LRP1B: variants seen among roughly 807,000 people sequenced by gnomAD.
The protein encoded by LRP1B is LDL receptor related protein 1B.
LRP1B carries 217 observed loss-of-function variants against 556.6 expected under a neutral mutation model. The observed-to-expected ratio is 0.39, with a 90% CI of 0.35 to 0.44. The LOEUF (loss-of-function observed/expected upper bound fraction) is 0.44. LRP1B is among the 20% of genes least tolerant of loss of function. The probability of loss-of-function intolerance (pLI) is 1.00; values close to 1 mark genes in which losing one functional copy is unlikely to be tolerated. For synonymous variants in LRP1B, 2,047 were observed against 1,865.8 expected, an observed-to-expected ratio of 1.10 and a Z score of -2.50; for missense variants, 5,053 against 5,620.8, an observed-to-expected ratio of 0.90 and a Z score of 3.23.
chr2:141,790,002 C>G (rs564564859), intron 2 of LRP1B, among the ~76,000 whole-genome samples: 1 of 151,954 alleles, frequency 6.6e-6, no homozygotes, highest in African/African-American at 2.4e-5. Context: ...TTAGAGGATT[C>G]AAGTTAGGAA....
intron 41 of LRP1B, among the ~76,000 whole-genome samples, chr2:140,667,107 T>G (rs1188629125): frequency 6.6e-6 from 1 of 152,210 alleles, no homozygotes; most frequent in Non-Finnish European, 1.5e-5. Flanking sequence ...TGGCATGCTG[T>G]GACCCTACGT....
intron 3 of LRP1B, among the ~76,000 whole-genome samples, chr2:141,300,806 G>A (rs577262639): frequency 3.9e-5 from 6 of 152,192 alleles, no homozygotes; most frequent in Admixed American, 1.3e-4. Flanking sequence ...CTGCAGAATC[G>A]TGAGCCAATT....
intron 3 of LRP1B, among the ~76,000 whole-genome samples, chr2:141,259,973 T>A (rs1300482308): frequency 2.6e-5 from 4 of 152,230 alleles, no homozygotes; most frequent in Admixed American, 2.0e-4. Context: ...TCCTGCCATA[T>A]CGTATATACA....
chr2:140,874,749 T>C (rs140257859), intron 25 of LRP1B, among the ~76,000 whole-genome samples: 1 of 152,084 alleles, frequency 6.6e-6, no homozygotes, highest in Non-Finnish European at 1.5e-5. Flanking sequence ...CTGGGCGTGG[T>C]GGCTCATGCC....
chr2:140,440,137 A>G (rs1429054663), intron 66 of LRP1B, among the ~76,000 whole-genome samples: 1 of 152,190 alleles, frequency 6.6e-6, no homozygotes, highest in Non-Finnish European at 1.5e-5. Context: ...AAATACAAAT[A>G]TTGGTGCTGA....
chr2:140,489,942 C>G (rs1553473771), intron 57 of LRP1B, among the ~76,000 whole-genome samples: 1 of 152,030 alleles, frequency 6.6e-6, no homozygotes, highest in Non-Finnish European at 1.5e-5. Context: ...GCTCTAAATT[C>G]CAACATATCT....
intron 2 of LRP1B, among the ~76,000 whole-genome samples, chr2:141,781,335 C>T (rs775497069): frequency 6.6e-6 from 1 of 152,084 alleles, no homozygotes; most frequent in Non-Finnish European, 1.5e-5. Flanking sequence ...AAACCCTAGT[C>T]GTGCAAAAAA....
chr2:140,586,728 C>T (rs2105152942), intron 43 of LRP1B: 1 of 152,246 alleles, frequency 6.6e-6, no homozygotes, highest in Admixed American at 6.5e-5. Flanking sequence ...CCCTCACTTT[C>T]CCCTCCTAGA....
chr2:140,264,712 G>A (rs1012062689), intron 86 of LRP1B, among the ~76,000 whole-genome samples: 16 of 58,030 alleles, frequency 2.8e-4, no homozygotes, highest in African/African-American at 7.9e-4. Flanking sequence ...ATGTGTGTGT[G>A]TGTGTGTGTG....
intron 20 of LRP1B, among the ~76,000 whole-genome samples, chr2:140,924,433 G>C (rs537385602): frequency 1.3e-5 from 2 of 151,868 alleles, no homozygotes; most frequent in South Asian, 4.1e-4. Flanking sequence ...ATTTAAAGAC[G>C]TTCAGCAATT....
chr2:141,182,821 G>T (rs914683568), intron 7 of LRP1B, among the ~76,000 whole-genome samples: 2 of 151,800 alleles, frequency 1.3e-5, no homozygotes, highest in Non-Finnish European at 2.9e-5. Context: ...TTTGTTACGG[G>T]GGGGAGTTGG....
rs1308498288 is a variant in LRP1B, at chr2:140,295,100, G to A, written c.12967+2708C>T. ...ACCGTCTCTAGACCAGGATGGTCTC[G>A]ACCTCCTGACCTCGTGATCCGCGGG... On this transcript the variant is annotated intron_variant, in intron 84 of 90. Transcript: ENST00000389484. Among the ~76,000 whole-genome samples the A allele has an allele frequency of 2.6e-5, 4 of 151,794 alleles. No individual in the cohort carries two copies. The East Asian group carries it at 5.8e-4, about 22-fold the overall frequency.
At chr2:141,922,181 C>T (rs576451873) in intron 1 of LRP1B, among the ~76,000 whole-genome samples, 1 of 152,226 alleles carries the variant, frequency 6.6e-6, no homozygotes, top group South Asian at 2.1e-4. Flanking sequence ...ATTAGGCATG[C>T]ATGAAAAAGT....
intron 66 of LRP1B, among the ~76,000 whole-genome samples, chr2:140,407,123 A>C (rs148268811): frequency 3.3e-5 from 5 of 152,276 alleles, no homozygotes; most frequent in Non-Finnish European, 5.9e-5. Context: ...TGGTGCTGGG[A>C]AAACTGGCAA....
At chr2:141,757,906 C>T (rs1694381425) in intron 2 of LRP1B, among the ~76,000 whole-genome samples, 1 of 114,990 alleles carries the variant, frequency 8.7e-6, no homozygotes, top group South Asian at 2.8e-4. Context: ...CAGCGTTTTT[C>T]CAGCCTTTGC....
At chr2:140,280,661 A>C (rs1682877743) in intron 84 of LRP1B, among the ~76,000 whole-genome samples, 1 of 151,766 alleles carries the variant, frequency 6.6e-6, no homozygotes, top group Non-Finnish European at 1.5e-5. Flanking sequence ...AAAAGGACCC[A>C]ACATTGATCT....
intron 41 of LRP1B, among the ~76,000 whole-genome samples, chr2:140,653,126 G>C (rs1684748801): frequency 6.6e-6 from 1 of 151,866 alleles, no homozygotes; most frequent in Non-Finnish European, 1.5e-5. Flanking sequence ...AACAAACATA[G>C]GATGCTATAT....
intron 11 of LRP1B, among the ~76,000 whole-genome samples, chr2:141,042,723 T>C (rs1698738892): frequency 6.6e-6 from 1 of 152,102 alleles, no homozygotes; most frequent in Admixed American, 6.6e-5. Context: ...GTGAGCAATC[T>C]TGATACAGAG....
At chr2:141,956,589 G>A (rs965730008) in intron 1 of LRP1B, among the ~76,000 whole-genome samples, 5 of 145,390 alleles carry the variant, frequency 3.4e-5, no homozygotes, top group South Asian at 2.2e-4. Flanking sequence ...AAATATTAAC[G>A]CCGTGAAATT....
Sources: gnomAD v4.1 joint callset for allele counts (sites outside exome capture counted in the v4.1 genomes callset) on GRCh38, gnomAD v4.1.1 for gene constraint, MANE v1.5 for transcripts, NCBI Gene and HGNC (gene_info 2026-07-23, HGNC 2026-07-21) for gene names.